Variants in SYT9 observed in about 807,000 individuals in gnomAD.
The protein encoded by SYT9 is synaptotagmin-9.
In SYT9, 22 loss-of-function variants were observed where a neutral mutation model predicts 48.4. The ratio of observed to expected loss-of-function variants is 0.45; its 90% CI spans 0.32 to 0.65. The LOEUF is 0.65. Ranked by LOEUF, SYT9 falls within the 30% of genes least tolerant of loss-of-function variation. The probability of loss-of-function intolerance (pLI) is 0.03; values close to 1 mark genes in which losing one functional copy is unlikely to be tolerated. For missense variants in SYT9, 577 were observed against 622.0 expected (o/e 0.93, Z 0.77); for synonymous variants, 265 against 245.0 (o/e 1.08, Z -0.76).
rs769032258 is a variant in SYT9 at position 7,313,685 on chromosome 11, A to G, written c.788A>G (p.Tyr263Cys). The G allele has an allele frequency of 7.4e-6, 12 of 1,614,090 alleles. No individual in the cohort carries two copies. In the African/African-American group the frequency reaches 1.3e-4, roughly 18 times the overall value. The change falls in exon 3 of 7, where the codon TAT becomes TGT. Residue 263 changes from tyrosine (Y) to cysteine (C), a missense_variant. By Grantham distance (194) the Tyr-to-Cys change is radical. Coordinates refer to ENST00000318881, the MANE Select transcript of SYT9 (RefSeq NM_175733.4). ...ACTTCAGATCCTTATGTCAAGATCT[A>G]TTTGCTTCCTGATCGGAAAACAAAA... Reference protein sequence around the residue: ...SGTSDPYVKIYLLPDRKTKHQ... With the variant: ...SGTSDPYVKICLLPDRKTKHQ...
At chr11:7,264,515 A>C (rs1253913399) in intron 1 of SYT9, among the ~76,000 whole-genome samples, 2 of 152,046 alleles carry the variant, frequency 1.3e-5, no homozygotes, top group Non-Finnish European at 2.9e-5. Context: ...TGGAGTAAGG[A>C]GAGAAAAGCG....
intron 4 of SYT9, among the ~76,000 whole-genome samples, chr11:7,417,615 C>T (rs1241507233): frequency 1.3e-5 from 2 of 152,224 alleles, no homozygotes; most frequent in African/African-American, 4.8e-5. Flanking sequence ...GGCCTGTTTT[C>T]AGCCTTGGAA....
At chr11:7,415,405 G>A (rs551542398) in intron 3 of SYT9, among the ~76,000 whole-genome samples, 7 of 152,276 alleles carry the variant, frequency 4.6e-5, no homozygotes, top group East Asian at 1.9e-4. Flanking sequence ...CAGGGTGTGT[G>A]CTGAGCTCTG....
intron 3 of SYT9, among the ~76,000 whole-genome samples, chr11:7,396,116 C>T (rs1393754583): frequency 3.9e-5 from 6 of 151,978 alleles, no homozygotes; most frequent in Non-Finnish European, 7.4e-5. Flanking sequence ...TAAAATTAAC[C>T]AATTTTAAGC....
At chr11:7,453,481 T>G (rs1848096240) in intron 6 of SYT9, among the ~76,000 whole-genome samples, 1 of 152,152 alleles carries the variant, frequency 6.6e-6, no homozygotes, top group African/African-American at 2.4e-5. Context: ...AATAAGGTGT[T>G]GAGCAAGGCA....
At chr11:7,299,854 T>C (rs1848886322) in intron 1 of SYT9, among the ~76,000 whole-genome samples, 1 of 152,200 alleles carries the variant, frequency 6.6e-6, no homozygotes, top group African/African-American at 2.4e-5. Flanking sequence ...AGGGGTCCTA[T>C]GGTTACTAGT....
At chr11:7,368,572 G>A (rs980967739) in intron 3 of SYT9, among the ~76,000 whole-genome samples, 7 of 152,006 alleles carry the variant, frequency 4.6e-5, no homozygotes, top group Non-Finnish European at 1.0e-4. Context: ...GTGTCCATGT[G>A]TTCTCATTGT....
At chr11:7,439,091 A>C (rs1040234295) in intron 6 of SYT9, 4 of 152,252 alleles carry the variant, frequency 2.6e-5, no homozygotes, top group African/African-American at 9.6e-5. Flanking sequence ...AGACATTCAG[A>C]GGGATGAACC....
chr11:7,324,144 G>T (rs1849385865), intron 3 of SYT9, among the ~76,000 whole-genome samples: 1 of 151,684 alleles, frequency 6.6e-6, no homozygotes, highest in East Asian at 1.9e-4. Context: ...ATTGAGAATT[G>T]ATTTTGGTGA....
intron 1 of SYT9, among the ~76,000 whole-genome samples, chr11:7,239,256 G>T (rs1847715659): frequency 6.6e-6 from 1 of 152,162 alleles, no homozygotes; most frequent in Admixed American, 6.5e-5. Flanking sequence ...GAAGGGGACT[G>T]CAGGGGTGAA....
intron 6 of SYT9, among the ~76,000 whole-genome samples, chr11:7,455,282 T>C (rs1051667084): frequency 2.0e-5 from 3 of 151,890 alleles, no homozygotes; most frequent in African/African-American, 7.2e-5. Context: ...AATGAAGTTC[T>C]ATTCAACCTA....
At chr11:7,353,806 A>G (rs1849964436) in intron 3 of SYT9, among the ~76,000 whole-genome samples, 1 of 152,238 alleles carries the variant, frequency 6.6e-6, no homozygotes, top group Non-Finnish European at 1.5e-5. Context: ...AATTTTGAGC[A>G]TGCACTGACT....
chr11:7,272,300 A>G (rs1848312159), intron 1 of SYT9, among the ~76,000 whole-genome samples: 1 of 152,118 alleles, frequency 6.6e-6, no homozygotes, highest in South Asian at 2.1e-4. Flanking sequence ...TTAATGTTTC[A>G]CAAAAATCGG....
chr11:7,280,366 G>T (rs1476593023), intron 1 of SYT9, among the ~76,000 whole-genome samples: 1 of 152,206 alleles, frequency 6.6e-6, no homozygotes, highest in Non-Finnish European at 1.5e-5. Flanking sequence ...GTAAAACAAT[G>T]ACACATGTCA....
chr11:7,355,188 A>G (rs1849995103), intron 3 of SYT9, among the ~76,000 whole-genome samples: 1 of 151,940 alleles, frequency 6.6e-6, no homozygotes, highest in African/African-American at 2.4e-5. Flanking sequence ...CTGCTATCGG[A>G]CTCCTAGATG....
intron 1 of SYT9, among the ~76,000 whole-genome samples, chr11:7,281,335 C>G (rs747506211): frequency 5.9e-5 from 9 of 152,208 alleles, no homozygotes; most frequent in Non-Finnish European, 1.3e-4. Flanking sequence ...GACTCATACT[C>G]TTTGCCAGCT....
intron 3 of SYT9, among the ~76,000 whole-genome samples, chr11:7,376,570 T>G (rs985275015): frequency 3.3e-5 from 5 of 152,098 alleles, no homozygotes; most frequent in African/African-American, 1.2e-4. Context: ...TGCCCTAGTT[T>G]GTCAGCCAAA....
chr11:7,356,601 A>G lies in SYT9; in HGVS notation c.1044+42660A>G, dbSNP rs567283497. On this transcript the variant is annotated intron_variant, in intron 3 of 6. Coordinates refer to ENST00000318881, the MANE Select transcript of SYT9 (RefSeq NM_175733.4). ...CCTTTTGTGATTTAATAACTTAAAC[A>G]TCTGACTTGAGAACATTGGAGATAG... 1.1e-4 allele frequency among the ~76,000 whole-genome samples: 17 copies of G among 152,328 alleles called. No homozygotes were observed. In the East Asian group the frequency reaches 2.5e-3, roughly 22 times the overall value.
chr11:7,384,033 G>A (rs1850611945), intron 3 of SYT9, among the ~76,000 whole-genome samples: 2 of 150,092 alleles, frequency 1.3e-5, no homozygotes, highest in South Asian at 4.3e-4. Context: ...TATTATGGAA[G>A]ATGAAGATTT....
Sources: allele counts gnomAD v4.1 joint callset (sites outside exome capture counted in the v4.1 genomes callset), GRCh38; gene constraint gnomAD v4.1.1; transcripts MANE v1.5; gene names NCBI Gene and HGNC (gene_info 2026-07-23, HGNC 2026-07-21).